The following CNTN4 variants were observed in gnomAD, a reference collection of about 807,000 sequenced individuals.
CNTN4 encodes contactin 4, also known as contactin-4.
A neutral mutation model predicts 122.5 loss-of-function variants in CNTN4; 77 were observed. The observed-to-expected ratio is 0.63, with a 90% confidence interval of 0.52 to 0.76. The LOEUF is 0.76. Among genes scored for constraint, CNTN4 ranks in the 30% least tolerant of loss-of-function variants. The pLI is 0.00. For missense variants in CNTN4, 1,256 were observed against 1,259.1 expected, an observed-to-expected ratio of 1.00 and a Z score of 0.04; for synonymous variants, 512 against 447.0, an observed-to-expected ratio of 1.15 and a Z score of -1.83.
chr3:2,978,518 T>C (rs993964604), intron 13 of CNTN4, among the ~76,000 whole-genome samples: 5 of 152,384 alleles, frequency 3.3e-5, no homozygotes, highest in Middle Eastern at 3.4e-3. Flanking sequence ...GTTGCCAGTA[T>C]TGCCCTATCT....
chr3:2,423,486 T>G (rs1036631470), intron 3 of CNTN4, among the ~76,000 whole-genome samples: 5 of 152,038 alleles, frequency 3.3e-5, no homozygotes, highest in African/African-American at 4.8e-5. Context: ...ACTTGTTTTT[T>G]TTTTTTTTTT....
At chr3:2,278,090 T>G (rs1487950810) in intron 2 of CNTN4, among the ~76,000 whole-genome samples, 1 of 152,184 alleles carries the variant, frequency 6.6e-6, no homozygotes, top group Non-Finnish European at 1.5e-5. Context: ...TCTCAGCTTT[T>G]CATTAAATGT....
chr3:2,516,703 T>A (rs1163479977), intron 3 of CNTN4, among the ~76,000 whole-genome samples: 1 of 152,026 alleles, frequency 6.6e-6, no homozygotes, highest in Non-Finnish European at 1.5e-5. Context: ...ATGGGGTGAT[T>A]TAAAATTGAG....
chr3:2,745,296 T>TA (rs1003634016), intron 5 of CNTN4, among the ~76,000 whole-genome samples: 8 of 152,164 alleles, frequency 5.3e-5, no homozygotes, highest in Admixed American at 3.9e-4. Flanking sequence ...TTAATGATAT[T>TA]AAAAAAATTT....
At chr3:2,806,804 C>T (rs1208081557) in intron 6 of CNTN4, among the ~76,000 whole-genome samples, 3 of 151,996 alleles carry the variant, frequency 2.0e-5, no homozygotes, top group Non-Finnish European at 2.9e-5. Flanking sequence ...TTGGCAGCCT[C>T]GATGGGGGAC....
intron 3 of CNTN4, among the ~76,000 whole-genome samples, chr3:2,373,960 G>A (rs1442268490): frequency 6.6e-6 from 1 of 152,034 alleles, no homozygotes; most frequent in Admixed American, 6.6e-5. Flanking sequence ...TCTTTTTTGG[G>A]GGGTTCCTGA....
intron 3 of CNTN4, among the ~76,000 whole-genome samples, chr3:2,536,943 C>G (rs989273923): frequency 6.6e-6 from 1 of 152,046 alleles, no homozygotes; most frequent in African/African-American, 2.4e-5. Flanking sequence ...TTAAAATTTT[C>G]TTTCCTCAGC....
At chr3:3,043,494 T>C (rs1369529916) in intron 22 of CNTN4, 98 bp from the exon 23 acceptor site, 4 of 900,014 alleles carry the variant, frequency 4.4e-6, no homozygotes, top group Non-Finnish European at 5.5e-6. Context: ...AATAGCCCAT[T>C]AAATTGCCTC....
chr3:2,261,310 C>T (rs1051506814), intron 2 of CNTN4, among the ~76,000 whole-genome samples: 4 of 152,088 alleles, frequency 2.6e-5, no homozygotes, highest in South Asian at 4.1e-4. Flanking sequence ...ATGTCATACA[C>T]GTTGGTTTCT....
chr3:2,469,873 G>A (rs1157807950), intron 3 of CNTN4, among the ~76,000 whole-genome samples: 1 of 152,160 alleles, frequency 6.6e-6, no homozygotes, highest in Non-Finnish European at 1.5e-5. Flanking sequence ...TAACTCATCT[G>A]AAGTCTGCTT....
chr3:2,617,975 G>A (rs1326378919), intron 4 of CNTN4, among the ~76,000 whole-genome samples: 1 of 152,148 alleles, frequency 6.6e-6, no homozygotes. Context: ...ATGATGATTT[G>A]TTGAATGGAA....
At chr3:2,636,834 C>A (rs183466051) in intron 4 of CNTN4, among the ~76,000 whole-genome samples, 20 of 151,904 alleles carry the variant, frequency 1.3e-4, no homozygotes, top group East Asian at 9.7e-4. Context: ...ATTGACAATA[C>A]CCTTTCATAT....
chr3:2,978,749 G>A lies in CNTN4; in HGVS notation c.1359-9596G>A, dbSNP rs369488643. Reference sequence around the variant, plus strand: ...TGCCTGTCTAACCGCCCTCATTCTAGGGCATCGCTGATGGCCCCTGGGGTC... The same window carrying A: ...TGCCTGTCTAACCGCCCTCATTCTAAGGCATCGCTGATGGCCCCTGGGGTC... On this transcript the variant is annotated intron_variant, in intron 13 of 24. Coordinates refer to ENST00000418658, the MANE Select transcript of CNTN4 (RefSeq NM_175607.3). 4.5e-4 allele frequency among the ~76,000 whole-genome samples: 69 copies of A among 152,160 alleles called. 1 individual carries two copies. In the East Asian group the frequency reaches 9.7e-3, roughly 21 times the overall value.
At chr3:2,400,421 A>ATATATATAT (rs2046803885) in intron 3 of CNTN4, among the ~76,000 whole-genome samples, 1 of 59,232 alleles carries the variant, frequency 1.7e-5, no homozygotes, top group South Asian at 5.9e-4. Flanking sequence ...ATATATATAT[A>ATATATATAT]TATATACATA....
intron 3 of CNTN4, among the ~76,000 whole-genome samples, chr3:2,416,970 T>C (rs1185261045): frequency 2.0e-5 from 3 of 152,176 alleles, no homozygotes; most frequent in African/African-American, 7.2e-5. Context: ...CGCAACTTTC[T>C]ATGGTATAAG....
At position 2,826,946 on chromosome 3, in the gene CNTN4, T is replaced by A. The variant is rs1029649540; in HGVS notation, c.454+7365T>A. Among the ~76,000 whole-genome samples the A allele has an allele frequency of 2.0e-5, 3 of 152,358 alleles. No individual in the cohort carries two copies. In the East Asian group the frequency reaches 5.8e-4, roughly 29 times the overall value. On this transcript the variant is annotated intron_variant, in intron 7 of 24. Coordinates refer to ENST00000418658, the MANE Select transcript of CNTN4 (RefSeq NM_175607.3). ...TTAGTCCAGACACTTAGCTTAGCTGTTGTCCTCATTTCTTACCCAAAGGCG... is the reference window on the plus strand; with the variant it reads ...TTAGTCCAGACACTTAGCTTAGCTGATGTCCTCATTTCTTACCCAAAGGCG...
chr3:2,464,912 C>G (rs2075443222), intron 3 of CNTN4, among the ~76,000 whole-genome samples: 1 of 152,110 alleles, frequency 6.6e-6, no homozygotes. Flanking sequence ...ACCTTATAGG[C>G]TCTTAATTTG....
intron 13 of CNTN4, among the ~76,000 whole-genome samples, chr3:2,987,920 T>G (rs1694725739): frequency 6.6e-6 from 1 of 152,232 alleles, no homozygotes; most frequent in Non-Finnish European, 1.5e-5. Flanking sequence ...TTTAAGGCTC[T>G]CATTTAGAAA....
intron 7 of CNTN4, among the ~76,000 whole-genome samples, chr3:2,831,980 CT>C: frequency 6.6e-6 from 1 of 152,318 alleles, no homozygotes; most frequent in East Asian, 1.9e-4. Flanking sequence ...GATTATGTTT[CT>C]TCCTTCTCCA....
Sources: gnomAD v4.1 joint callset for allele counts (sites outside exome capture counted in the v4.1 genomes callset) on GRCh38, gnomAD v4.1.1 for gene constraint, MANE v1.5 for transcripts, NCBI Gene and HGNC (gene_info 2026-07-23, HGNC 2026-07-21) for gene names.